NIBAN1: variants seen among roughly 807,000 people sequenced by gnomAD.
NIBAN1 encodes niban apoptosis regulator 1, also known as protein Niban 1.
In NIBAN1, 81 loss-of-function variants were observed where a neutral mutation model predicts 75.1. The ratio of observed to expected loss-of-function variants is 1.08; its 90% CI spans 0.90 to 1.30. The LOEUF is 1.30. Among genes scored for constraint, NIBAN1 ranks in the 50% most tolerant of loss-of-function variants. The pLI, the probability that NIBAN1 is intolerant of heterozygous loss-of-function variation, is 0.00. For missense variants in NIBAN1, 1,133 were observed against 1,128.1 expected (o/e 1.00, Z -0.06); for synonymous variants, 436 against 424.8 (o/e 1.03, Z -0.32).
intron 1 of NIBAN1, among the ~76,000 whole-genome samples, chr1:184,936,021 G>T (rs1321739317): frequency 1.6e-5 from 2 of 124,518 alleles, no homozygotes; most frequent in Admixed American, 8.2e-5. Flanking sequence ...TGTGATAGAT[G>T]AAAAAAAAAA....
intron 1 of NIBAN1, among the ~76,000 whole-genome samples, chr1:184,903,257 T>C (rs1196422419): frequency 6.6e-6 from 1 of 152,260 alleles, no homozygotes; most frequent in Non-Finnish European, 1.5e-5. Flanking sequence ...TATGTATCTC[T>C]AATCCTACTT....
chr1:184,920,795 A>G (rs544233328), intron 1 of NIBAN1, among the ~76,000 whole-genome samples: 14 of 152,344 alleles, frequency 9.2e-5, no homozygotes, highest in African/African-American at 3.4e-4. Context: ...TGGTAAACTC[A>G]GGGAAGTAAG....
intron 10 of NIBAN1, 124 bp from the exon 11 acceptor site, chr1:184,806,180 G>T: frequency 1.5e-6 from 1 of 675,230 alleles, no homozygotes; most frequent in Non-Finnish European, 2.5e-6. Context: ...GCTGCTATTC[G>T]GTGGGGGTAC....
chr1:184,874,798 T>C (rs1412035247), intron 5 of NIBAN1, among the ~76,000 whole-genome samples: 1 of 151,686 alleles, frequency 6.6e-6, no homozygotes, highest in Non-Finnish European at 1.5e-5. Flanking sequence ...AATAAATAAA[T>C]AAAAACAAAA....
At chr1:184,822,985 G>A (rs1432250481) in intron 8 of NIBAN1, among the ~76,000 whole-genome samples, 182 bp downstream of exon 8, 1 of 152,174 alleles carries the variant, frequency 6.6e-6, no homozygotes, top group African/African-American at 2.4e-5. Flanking sequence ...TGTCCATGAA[G>A]CTTCCACGGG....
intron 1 of NIBAN1, among the ~76,000 whole-genome samples, chr1:184,937,893 A>C (rs1052631070): frequency 5.3e-5 from 8 of 152,244 alleles, no homozygotes; most frequent in African/African-American, 1.9e-4. Flanking sequence ...GACCCACTGC[A>C]GGTGCAAGGA....
chr1:184,793,271 T>C lies in NIBAN1; in HGVS notation c.*1706A>G, dbSNP rs1364231087. On this transcript the variant is annotated 3_prime_UTR_variant, in exon 14 of 14. Coordinates refer to ENST00000367511, the MANE Select transcript of NIBAN1 (RefSeq NM_052966.4). ...ATATGTTGAGATCTGATGTTAAAAT[T>C]TGGGGAGGGGCCAGGTAGCTCACGC... 2 of 152,116 alleles carry C rather than the reference T, an allele frequency of 1.3e-5. No individual in the cohort carries two copies. The highest frequency in any genetic ancestry group is 2.9e-5 in the Non-Finnish European group (2 of 68,010). 9.4% of individuals were successfully genotyped at this position (152,116 alleles called of 1,614,324 possible).
intron 5 of NIBAN1, among the ~76,000 whole-genome samples, chr1:184,870,459 T>A (rs975421564): frequency 1.3e-5 from 2 of 152,104 alleles, no homozygotes; most frequent in African/African-American, 4.8e-5. Flanking sequence ...GAAACATGGA[T>A]CCCTAAAATG....
At chr1:184,937,937 T>G (rs752053903) in intron 1 of NIBAN1, among the ~76,000 whole-genome samples, 3 of 152,128 alleles carry the variant, frequency 2.0e-5, no homozygotes, top group Non-Finnish European at 4.4e-5. Context: ...TGCGGGAGCT[T>G]GACAGAGAGC....
intron 1 of NIBAN1, among the ~76,000 whole-genome samples, chr1:184,967,613 A>C (rs1047799759): frequency 6.6e-5 from 10 of 152,218 alleles, no homozygotes; most frequent in African/African-American, 2.4e-4. Context: ...GATTACAATA[A>C]AGTAAAAAGC....
intron 5 of NIBAN1, among the ~76,000 whole-genome samples, chr1:184,865,127 C>T (rs538132877): frequency 2.4e-4 from 37 of 151,866 alleles, no homozygotes; most frequent in Non-Finnish European, 5.0e-4. Context: ...TGGTGAGGTG[C>T]AGAGAAAAGG....
At chr1:184,973,680 AT>A (rs1229728751) in intron 1 of NIBAN1, among the ~76,000 whole-genome samples, 1 of 152,194 alleles carries the variant, frequency 6.6e-6, no homozygotes, top group Non-Finnish European at 1.5e-5. Context: ...GTTTCTCCCC[AT>A]CTGTAACTTT....
chr1:184,877,601 C>A (rs988668978), intron 5 of NIBAN1, among the ~76,000 whole-genome samples: 3 of 152,066 alleles, frequency 2.0e-5, no homozygotes, highest in Non-Finnish European at 2.9e-5. Context: ...TGTTCAATAA[C>A]AACAGATGAG....
intron 9 of NIBAN1, among the ~76,000 whole-genome samples, chr1:184,817,414 T>A (rs1255352975): frequency 6.6e-6 from 1 of 152,206 alleles, no homozygotes; most frequent in African/African-American, 2.4e-5. Context: ...GGTCAAATGG[T>A]ATTTCTAGTT....
intron 5 of NIBAN1, among the ~76,000 whole-genome samples, chr1:184,839,723 G>A (rs1655233725): frequency 6.6e-6 from 1 of 152,038 alleles, no homozygotes; most frequent in African/African-American, 2.4e-5. Context: ...AGTCTCCTGA[G>A]TAGCTGGGAT....
chr1:184,911,002 A>G (rs1657226465), intron 1 of NIBAN1, among the ~76,000 whole-genome samples: 1 of 152,092 alleles, frequency 6.6e-6, no homozygotes, highest in South Asian at 2.1e-4. Context: ...CCAGCTTACC[A>G]GCTGCAGACC....
At chr1:184,868,727 A>G (rs543962661) in intron 5 of NIBAN1, among the ~76,000 whole-genome samples, 2 of 102,838 alleles carry the variant, frequency 1.9e-5, no homozygotes, top group South Asian at 6.2e-4. Flanking sequence ...AAGGAATGAG[A>G]TTAGATTTTT....
At chr1:184,871,156 G>C (rs1656095710) in intron 5 of NIBAN1, among the ~76,000 whole-genome samples, 2 of 151,950 alleles carry the variant, frequency 1.3e-5, no homozygotes, top group African/African-American at 4.8e-5. Context: ...AGACTAGCCT[G>C]GCCAACATGG....
At chr1:184,837,569 TC>T (rs531589048) in intron 5 of NIBAN1, among the ~76,000 whole-genome samples, 108 of 152,258 alleles carry the variant, frequency 7.1e-4, no homozygotes, top group African/African-American at 2.4e-3. Flanking sequence ...TTGGAAGTGA[TC>T]TTAAAGGTCA....
Sources: allele counts gnomAD v4.1 joint callset (sites outside exome capture counted in the v4.1 genomes callset), GRCh38; gene constraint gnomAD v4.1.1; transcripts MANE v1.5; gene names NCBI Gene and HGNC (gene_info 2026-07-23, HGNC 2026-07-21).